STS: variants seen among roughly 807,000 people sequenced by gnomAD.
The protein encoded by STS is steroid sulfatase.
Under a neutral mutation model 26.8 loss-of-function variants are expected in STS, and 7 were observed. The observed-to-expected ratio is 0.26, with a 90% CI of 0.15 to 0.49. The LOEUF (loss-of-function observed/expected upper bound fraction) is 0.49. Among genes scored for constraint, STS ranks in the 20% least tolerant of loss-of-function variants. The probability of loss-of-function intolerance (pLI) is 0.98; values close to 1 mark genes in which losing one functional copy is unlikely to be tolerated. For synonymous variants in STS, 199 were observed against 189.4 expected (o/e 1.05, Z -0.42); for missense variants, 434 against 465.6 (o/e 0.93, Z 0.63).
rs1418661498 is a variant in STS, at chrX:7,306,277, C to G, written c.1081+1094C>G. 7.2e-5 allele frequency among the ~76,000 whole-genome samples: 8 copies of G among 110,599 alleles called. No homozygotes were observed. In the East Asian group the frequency reaches 2.3e-3, roughly 31 times the overall value. ...GACATTACATGACACACAACGTGGCCCATTTCATAAAGTGATATGATACCT... is the reference window on the plus strand; with the variant it reads ...GACATTACATGACACACAACGTGGCGCATTTCATAAAGTGATATGATACCT... On this transcript the variant is annotated intron_variant, in intron 8 of 10. Coordinates refer to ENST00000674429, the MANE Select transcript of STS (RefSeq NM_001320752.2).
chrX:7,231,017 A>G (rs1395508319), intron 2 of STS, among the ~76,000 whole-genome samples: 3 of 112,260 alleles, frequency 2.7e-5, no homozygotes, highest in Non-Finnish European at 3.8e-5. Flanking sequence ...ACTCTTAGGT[A>G]TGTACCCAAA....
intron 2 of STS, among the ~76,000 whole-genome samples, chrX:7,232,592 A>C (rs191614904): frequency 2.7e-5 from 3 of 111,688 alleles, no homozygotes; most frequent in African/African-American, 9.8e-5. Context: ...GCAGTTTCCT[A>C]CCTTGAACAG....
chrX:7,264,416 A>G (rs1488912336), intron 6 of STS, among the ~76,000 whole-genome samples: 1 of 112,710 alleles, frequency 8.9e-6, no homozygotes, highest in African/African-American at 3.2e-5. Context: ...AGATGCAGGC[A>G]TTGCAGGGCT....
At chrX:7,292,634 C>T (rs999652891) in intron 7 of STS, among the ~76,000 whole-genome samples, 2 of 110,466 alleles carry the variant, frequency 1.8e-5, no homozygotes, top group East Asian at 2.9e-4. Context: ...ATAGTCTTGT[C>T]GTTCCTTACC....
At chrX:7,156,049 G>A (rs1412141075) in intron 1 of STS, among the ~76,000 whole-genome samples, 1 of 109,560 alleles carries the variant, frequency 9.1e-6, no homozygotes, top group African/African-American at 3.3e-5. Context: ...TACTTGGGGG[G>A]ACTGAGATGG....
chrX:7,187,435 A>G (rs1270343607), intron 1 of STS, among the ~76,000 whole-genome samples: 1 of 111,711 alleles, frequency 9.0e-6, no homozygotes, highest in African/African-American at 3.3e-5. Context: ...TCCTAGACAC[A>G]CTGGGATGTG....
intron 2 of STS, among the ~76,000 whole-genome samples, chrX:7,240,493 ATGTGTGTGTGTG>A (rs374194610): frequency 6.9e-5 from 5 of 72,707 alleles, no homozygotes; most frequent in African/African-American, 2.2e-4. Context: ...ACAGATATGT[ATGTGTGTGTGTG>A]TGTGTGTGTG....
At chrX:7,325,135 T>C (rs1490944447) in intron 8 of STS, among the ~76,000 whole-genome samples, 1 of 112,068 alleles carries the variant, frequency 8.9e-6, no homozygotes, top group Non-Finnish European at 1.9e-5. Context: ...GTGCTGACCA[T>C]GTCACATATG....
intron 1 of STS, among the ~76,000 whole-genome samples, chrX:7,179,726 T>C (rs762962578): frequency 8.9e-6 from 1 of 112,059 alleles, no homozygotes; most frequent in South Asian, 3.7e-4. Context: ...TAAGAACTCA[T>C]AGAAACAACA....
chrX:7,203,144 C>A (rs1250754143), intron 2 of STS, among the ~76,000 whole-genome samples: 1 of 111,733 alleles, frequency 8.9e-6, no homozygotes, highest in Non-Finnish European at 1.9e-5. Flanking sequence ...GGCTCTCCCA[C>A]CCTTGGACTC....
At chrX:7,288,273 C>A (rs1204216697) in intron 7 of STS, among the ~76,000 whole-genome samples, 2 of 101,371 alleles carry the variant, frequency 2.0e-5, no homozygotes, top group African/African-American at 7.3e-5. Flanking sequence ...TAAAGCTTTT[C>A]TTACTCCCCT....
chrX:7,251,185 C>A (rs1923123307), intron 2 of STS, among the ~76,000 whole-genome samples: 1 of 111,726 alleles, frequency 9.0e-6, no homozygotes, highest in Admixed American at 9.5e-5. Context: ...TTTCCCATCC[C>A]CCATCCAGCC....
intron 2 of STS, 137 bp from the exon 3 acceptor site, chrX:7,253,059 G>C: frequency 5.8e-6 from 4 of 684,959 alleles, no homozygotes; most frequent in Non-Finnish European, 9.0e-6. Context: ...GCTGAGACAG[G>C]AGGATCGCTT....
At chrX:7,231,460 G>A (rs1200548412) in intron 2 of STS, among the ~76,000 whole-genome samples, 4 of 111,591 alleles carry the variant, frequency 3.6e-5, no homozygotes, top group East Asian at 5.6e-4. Context: ...GGCTTTCCAC[G>A]TCTTAATTAG....
At chrX:7,214,719 C>A (rs1921169914) in intron 2 of STS, among the ~76,000 whole-genome samples, 1 of 107,602 alleles carries the variant, frequency 9.3e-6, no homozygotes, top group Non-Finnish European at 1.9e-5. Context: ...CCCCTGAGTC[C>A]CCAAAGTCCA....
At chrX:7,161,416 T>C (rs1933243393) in intron 1 of STS, among the ~76,000 whole-genome samples, 1 of 112,206 alleles carries the variant, frequency 8.9e-6, no homozygotes, top group Non-Finnish European at 1.9e-5. Flanking sequence ...GATCAGTTAG[T>C]GTTTTCTGAA....
chrX:7,200,623 C>T (rs1028533997), intron 2 of STS, among the ~76,000 whole-genome samples: 11 of 111,195 alleles, frequency 9.9e-5, no homozygotes, highest in African/African-American at 2.6e-4. Context: ...TGTTCAGTGA[C>T]GGGAAGGAGA....
At position 7,147,920 on chromosome X, in the gene STS, G is replaced by T. The variant is rs752927634; in HGVS notation, c.-297G>T. The T allele has an allele frequency of 2.6e-5, 12 of 454,337 alleles. No individual in the cohort carries two copies. Among genetic ancestry groups the T allele is most frequent in the African/African-American group, 2.6e-4 (10 of 38,441 alleles). 37.4% of individuals were successfully genotyped at this position (454,337 alleles called of 1,213,427 possible). On this transcript the variant is annotated 5_prime_UTR_variant, in exon 1 of 11. Transcript: ENST00000674429. The stretch of plus-strand genomic sequence containing the variant: ...CTTCGGGGCCAGCCGGGGGCAGAGC[G>T]CGCGGGAGCCCGAGCGTCCCTGCAT...
At chrX:7,235,737 T>C (rs1366594184) in intron 2 of STS, among the ~76,000 whole-genome samples, 1 of 111,898 alleles carries the variant, frequency 8.9e-6, no homozygotes, top group Non-Finnish European at 1.9e-5. Flanking sequence ...CACTGCATTC[T>C]AGCCTGGGAA....
Sources: allele counts gnomAD v4.1 joint callset (sites outside exome capture counted in the v4.1 genomes callset), GRCh38; gene constraint gnomAD v4.1.1; transcripts MANE v1.5; gene names NCBI Gene and HGNC (gene_info 2026-07-23, HGNC 2026-07-21).